Variants in NISCH observed in about 807,000 individuals in gnomAD.
NISCH encodes the protein I-1 receptor candidate protein.
Under a neutral mutation model 138.4 loss-of-function variants are expected in NISCH, and 55 were observed. The ratio of observed to expected loss-of-function variants is 0.40; its 90% CI spans 0.32 to 0.50. The LOEUF (loss-of-function observed/expected upper bound fraction) is 0.50, where lower values mean the gene tolerates loss of function less well. Among genes scored for constraint, NISCH ranks in the 20% least tolerant of loss-of-function variants. The probability of loss-of-function intolerance (pLI) is 0.71; values close to 1 mark genes in which losing one functional copy is unlikely to be tolerated. For synonymous variants in NISCH, 860 were observed against 861.5 expected, an observed-to-expected ratio of 1.00 and a Z score of 0.03; for missense variants, 1,643 against 2,005.5, an observed-to-expected ratio of 0.82 and a Z score of 3.45.
rs772520120 is a variant in NISCH, at chr3:52,487,926, G to T, written c.2434G>T (p.Ala812Ser). The T allele has an allele frequency of 5.0e-6, 8 of 1,611,558 alleles. No homozygotes were observed. In the East Asian group the frequency reaches 1.3e-4, roughly 27 times the overall value. ...EFHADLRSCF[A>S]PQHMAMLCSP... ...CCACGCGGACCTGCGCTCATGCTTTGCACCCCAGCACATGGCCATGCTGTG... is the reference window on the plus strand; with the variant it reads ...CCACGCGGACCTGCGCTCATGCTTTTCACCCCAGCACATGGCCATGCTGTG... The change falls in exon 16 of 21, where the codon GCA becomes TCA. Residue 812 changes from alanine to serine, a missense_variant. Coordinates refer to ENST00000345716, the MANE Select transcript of NISCH (RefSeq NM_007184.4). This position sits in a 1 kb window ranked among gnomAD's most constrained non-coding sequence, Gnocchi z 9.1.
intron 3 of NISCH, 55 bp from the exon 4 acceptor site, chr3:52,470,804 C>T (rs1706922224): frequency 6.7e-7 from 1 of 1,484,520 alleles, no homozygotes; most frequent in Non-Finnish European, 9.4e-7. Flanking sequence ...GGAATGTGAC[C>T]CCAGGGACTG....
At chr3:52,464,699 A>G (rs2153230870) in intron 3 of NISCH, among the ~76,000 whole-genome samples, 1 of 151,710 alleles carries the variant, frequency 6.6e-6, no homozygotes, top group East Asian at 1.9e-4. Context: ...TGATTTTTGT[A>G]TTTTTAGTAG....
intron 11 of NISCH, among the ~76,000 whole-genome samples, chr3:52,479,319 C>T (rs1707198710): frequency 6.6e-6 from 1 of 152,154 alleles, no homozygotes; most frequent in African/African-American, 2.4e-5. Context: ...GCCCTGCCCT[C>T]TCCTGCCGCT....
intron 4 of NISCH, chr3:52,471,600 A>G: frequency 1.7e-6 from 1 of 586,500 alleles, no homozygotes; most frequent in Non-Finnish European, 3.0e-6. Context: ...ACAGCCCCAC[A>G]GCCCTGCCCT....
At chr3:52,473,660 G>A in intron 6 of NISCH, 74 bp from the exon 7 acceptor site, 12 of 1,066,910 alleles carry the variant, frequency 1.1e-5, no homozygotes, top group Non-Finnish European at 1.7e-5. Flanking sequence ...TATGGGGGTA[G>A]GAAACACCTG....
chr3:52,458,013 C>T (rs925312000), intron 2 of NISCH, 87 bp downstream of exon 2: 2 of 963,798 alleles, frequency 2.1e-6, no homozygotes, highest in Non-Finnish European at 3.3e-6. Flanking sequence ...AGTTTTAGGG[C>T]AAAACAGGTT....
chr3:52,474,020 A>T (rs529620215), intron 7 of NISCH, among the ~76,000 whole-genome samples, 191 bp downstream of exon 7: 1 of 152,358 alleles, frequency 6.6e-6, no homozygotes, highest in South Asian at 2.1e-4. Context: ...ACTTTAGTTC[A>T]CATCTGCATA....
intron 3 of NISCH, among the ~76,000 whole-genome samples, chr3:52,461,660 G>A (rs1223342776): frequency 1.3e-5 from 2 of 152,024 alleles, no homozygotes; most frequent in South Asian, 2.1e-4. Context: ...TCAGGAGATC[G>A]AGACCATCCT....
At chr3:52,477,734 A>G in intron 9 of NISCH, 92 bp downstream of exon 9, 2 of 1,017,572 alleles carry the variant, frequency 2.0e-6, no homozygotes, top group Non-Finnish European at 3.1e-6. Context: ...GGAATTGGCC[A>G]GGGGTTGTAA....
At position 52,487,540 on chromosome 3, in the gene NISCH, C is replaced by G. The variant is rs552409632; in HGVS notation, c.2048C>G (p.Ala683Gly). 11 of 1,609,042 alleles carry G rather than the reference C, an allele frequency of 6.8e-6. No individual in the cohort carries two copies. In the East Asian group the frequency reaches 2.2e-4, roughly 33 times the overall value. The change falls in exon 16 of 21, where the codon GCC (alanine) becomes GGC (glycine). Residue 683 changes from alanine to glycine, a missense_variant. By Grantham distance (60) the Ala-to-Gly change is moderately conservative. Transcript: ENST00000345716. The surrounding 1 kb of genome is among the most constrained non-coding windows in gnomAD (Gnocchi z 9.1). ...EEEEEEEDEE[A>G]EEERLALEWA... Reference sequence around the variant, plus strand: ...GAGGAGGAAGAGGAGGATGAAGAGGCCGAGGAGGAGCGCCTGGCTCTGGAA... The same window carrying G: ...GAGGAGGAAGAGGAGGATGAAGAGGGCGAGGAGGAGCGCCTGGCTCTGGAA...
Position 52,487,967 on chromosome 3 carries a change from C to T in NISCH, c.2475C>T (p.Tyr825=), listed in dbSNP as rs751110980. 37 of 1,610,908 alleles carry T rather than the reference C, an allele frequency of 2.3e-5. No homozygotes were observed. The highest frequency in any genetic ancestry group is 1.6e-4 in the Middle Eastern group (1 of 6,078). Residue 825 remains tyrosine, a synonymous_variant, in exon 16 of 21, where the codon TAC becomes TAT. Coordinates refer to ENST00000345716, the MANE Select transcript of NISCH (RefSeq NM_007184.4). This position sits in a 1 kb window ranked among gnomAD's most constrained non-coding sequence, Gnocchi z 9.1. The part of the protein sequence containing the change: ...HMAMLCSPIL[Y]GSHTSLQEFL... ...CCATGCTGTGTAGCCCCATCCTCTA[C>T]GGCAGCCACACCAGCCTGCAGGAGT...
In NISCH at chr3:52,457,054, C is replaced by T. The variant is rs575184633; in HGVS notation, c.94-789C>T. On this transcript the variant is annotated intron_variant, in intron 1 of 20. Coordinates refer to ENST00000345716, the MANE Select transcript of NISCH (RefSeq NM_007184.4). ...ATTATTAACACACCTACCTTTTGAA[C>T]ACTTGCCATGGGTCAGGCCCATGTA... 4.6e-5 allele frequency among the ~76,000 whole-genome samples: 7 copies of T among 152,282 alleles called. No individual in the cohort carries two copies. In the South Asian group the frequency reaches 1.5e-3, roughly 32 times the overall value.
chr3:52,458,027 T>A (rs1359474870), intron 2 of NISCH, 101 bp downstream of exon 2: 1 of 796,388 alleles, frequency 1.3e-6, no homozygotes, highest in East Asian at 2.5e-5. Context: ...ACAGGTTCCA[T>A]CTCTATAGTT....
chr3:52,489,649 A>C lies in NISCH; in HGVS notation c.3427A>C (p.Ile1143Leu), dbSNP rs1053637690. The C allele has an allele frequency of 1.2e-6, 2 of 1,612,746 alleles. No individual in the cohort carries two copies. The highest frequency in any genetic ancestry group is 1.7e-6 in the Non-Finnish European group (2 of 1,179,874). ...CGCCAGCCTGCGGGGCAGCGCCATC[A>C]TCGAGCTCTTCCACAGCAGCATTGC... ...HVASLRGSAIIELFHSSIAEV... is the reference protein window; with the variant it reads ...HVASLRGSAILELFHSSIAEV... The change falls in exon 17 of 21, where the codon ATC becomes CTC. Residue 1143 changes from isoleucine (I) to leucine (L), a missense_variant. Transcript: ENST00000345716.
intron 13 of NISCH, chr3:52,480,782 A>G (rs1707249124): frequency 6.9e-7 from 1 of 1,458,802 alleles, no homozygotes; most frequent in Non-Finnish European, 9.0e-7. Context: ...TGGGGCCAAG[A>G]TGGGCCATCT....
Position 52,488,411 on chromosome 3 carries a change from GCTGCTCGTGGGGTACCGCTTTGTCA to G in NISCH, c.2924_2948del (p.Leu975ProfsTer26). ...CCTTTGCTGATGGCCACGTGCTAGA[GCTGCTCGTGGGGTACCGCTTTGTCA>G]CTGCCATCTTCGTGCTGCCCCACGA... On this transcript the variant is annotated frameshift_variant, in exon 16 of 21. Transcript: ENST00000345716. LOFTEE classifies it high-confidence loss of function. 6.2e-7 allele frequency: 1 copy of G among 1,613,818 alleles called. No individual in the cohort carries two copies. Among genetic ancestry groups the G allele is most frequent in the Non-Finnish European group, 8.5e-7 (1 of 1,180,018 alleles).
In NISCH at chr3:52,487,084, C is replaced by T. The variant is rs896594228; in HGVS notation, c.1704-112C>T. ...TGGCCATGTGGGAGGCTTGGGAGAC[C>T]CATGGGTTGGTTTCTCAGGGTCAGG... On this transcript the variant is annotated intron_variant, in intron 15 of 20. Transcript: ENST00000345716. The surrounding 1 kb of genome is among the most constrained non-coding windows in gnomAD (Gnocchi z 9.1). 1.6e-6 allele frequency: 2 copies of T among 1,247,132 alleles called. No individual in the cohort carries two copies. Among genetic ancestry groups the T allele is most frequent in the Admixed American group, 2.2e-5 (1 of 44,546 alleles). The allele number at this position is 1,247,132 out of a possible 1,614,324, so 77.3% of individuals were successfully genotyped here.
At chr3:52,468,649 C>T (rs1043304369) in intron 3 of NISCH, among the ~76,000 whole-genome samples, 1 of 152,212 alleles carries the variant, frequency 6.6e-6, no homozygotes, top group South Asian at 2.1e-4. Context: ...CTGTGCCTGC[C>T]GTGCCCCTCT....
chr3:52,482,128 CT>C (rs1441435933), intron 13 of NISCH, among the ~76,000 whole-genome samples: 2 of 152,186 alleles, frequency 1.3e-5, no homozygotes, highest in Non-Finnish European at 2.9e-5. Context: ...AGGTGTTGGT[CT>C]TTTTCTCACT....
Sources: allele counts gnomAD v4.1 joint callset (sites outside exome capture counted in the v4.1 genomes callset), GRCh38; gene constraint gnomAD v4.1.1; non-coding constraint Gnocchi (gnomAD v3.1); transcripts MANE v1.5; gene names NCBI Gene and HGNC (gene_info 2026-07-23, HGNC 2026-07-21).